XRCC4: variants seen among roughly 807,000 people sequenced by gnomAD.
XRCC4 encodes X-ray repair cross complementing 4.
Under a neutral mutation model 39.1 loss-of-function variants are expected in XRCC4, and 28 were observed. The observed-to-expected ratio is 0.72, with a 90% CI of 0.53 to 0.98. XRCC4 has a LOEUF of 0.98. Among genes scored for constraint, XRCC4 ranks in the 50% least tolerant of loss-of-function variants. The pLI, the probability that XRCC4 is intolerant of heterozygous loss-of-function variation, is 0.00. For synonymous variants in XRCC4, 123 were observed against 126.4 expected, an observed-to-expected ratio of 0.97 and a Z score of 0.18; for missense variants, 350 against 376.4, an observed-to-expected ratio of 0.93 and a Z score of 0.58.
chr5:83,298,187 T>C (rs752999517), intron 7 of XRCC4, among the ~76,000 whole-genome samples: 2 of 151,808 alleles, frequency 1.3e-5, no homozygotes, highest in Non-Finnish European at 3.0e-5. Context: ...CTTTGAAGTT[T>C]GTTGAAAACC....
chr5:83,080,880 C>G (rs933984106), intron 1 of XRCC4, among the ~76,000 whole-genome samples: 3 of 152,072 alleles, frequency 2.0e-5, no homozygotes, highest in Non-Finnish European at 2.9e-5. Flanking sequence ...AAAAGAAATC[C>G]TATGTTGATG....
At chr5:83,089,549 C>G (rs1745327959) in intron 1 of XRCC4, among the ~76,000 whole-genome samples, 1 of 152,080 alleles carries the variant, frequency 6.6e-6, no homozygotes, top group South Asian at 2.1e-4. Context: ...GTGTCAGATC[C>G]CACAGGTTTG....
At chr5:83,097,755 T>G (rs1745747989) in intron 1 of XRCC4, among the ~76,000 whole-genome samples, 1 of 152,146 alleles carries the variant, frequency 6.6e-6, no homozygotes, top group Non-Finnish European at 1.5e-5. Context: ...TTCAGTTCTG[T>G]TAAGTGTCAT....
At chr5:83,303,500 A>G (rs1755367844) in intron 7 of XRCC4, among the ~76,000 whole-genome samples, 1 of 152,152 alleles carries the variant, frequency 6.6e-6, no homozygotes, top group South Asian at 2.1e-4. Flanking sequence ...ACTAATGACA[A>G]TTGTGGTGGT....
chr5:83,248,062 G>T (rs1299145237), intron 6 of XRCC4, among the ~76,000 whole-genome samples: 1 of 152,012 alleles, frequency 6.6e-6, no homozygotes, highest in East Asian at 1.9e-4. Context: ...TGAGACAAGG[G>T]TTGGTGAGAG....
At chr5:83,360,419 T>C in the XRCC4 span, among the ~76,000 whole-genome samples, 1 of 152,194 alleles carries the variant, frequency 6.6e-6, no homozygotes, top group African/African-American at 2.4e-5. Context: ...AGAGGTATAA[T>C]ACAGTATATT....
At chr5:83,270,546 A>G (rs1754105292) in intron 7 of XRCC4, among the ~76,000 whole-genome samples, 1 of 151,980 alleles carries the variant, frequency 6.6e-6, no homozygotes, top group African/African-American at 2.4e-5. Context: ...TCTGACCTCT[A>G]AACTGTTTTC....
intron 3 of XRCC4, among the ~76,000 whole-genome samples, chr5:83,133,027 A>G (rs1381253872): frequency 2.0e-5 from 3 of 151,766 alleles, no homozygotes; most frequent in Non-Finnish European, 4.4e-5. Flanking sequence ...GGTTTTATCT[A>G]CCTTCGGTCT....
chr5:83,276,740 T>G (rs1754349165), intron 7 of XRCC4, among the ~76,000 whole-genome samples: 1 of 151,846 alleles, frequency 6.6e-6, no homozygotes, highest in Non-Finnish European at 1.5e-5. Flanking sequence ...GTGTGTTTTC[T>G]GTTGCTTATA....
At chr5:83,134,640 A>C (rs902543525) in intron 3 of XRCC4, among the ~76,000 whole-genome samples, 2 of 152,194 alleles carry the variant, frequency 1.3e-5, no homozygotes, top group Non-Finnish European at 2.9e-5. Flanking sequence ...GGGTGGGGCC[A>C]GATAAGGGAA....
chr5:83,124,970 A>G (rs1025559367), intron 3 of XRCC4, among the ~76,000 whole-genome samples: 1 of 152,138 alleles, frequency 6.6e-6, no homozygotes, highest in African/African-American at 2.4e-5. Context: ...CCAGAAATAT[A>G]TAAGATCTAC....
intron 6 of XRCC4, among the ~76,000 whole-genome samples, chr5:83,248,954 G>A (rs1362175108): frequency 6.6e-6 from 1 of 152,010 alleles, no homozygotes; most frequent in Non-Finnish European, 1.5e-5. Flanking sequence ...TTCTAATTTG[G>A]GCAATACTTT....
chr5:83,244,458 C>T (rs1019535779), intron 6 of XRCC4, among the ~76,000 whole-genome samples: 1 of 152,174 alleles, frequency 6.6e-6, no homozygotes, highest in African/African-American at 2.4e-5. Flanking sequence ...CTATATGTGA[C>T]ATCTGGATTT....
At chr5:83,188,953 G>A (rs1489582765) in intron 3 of XRCC4, among the ~76,000 whole-genome samples, 1 of 152,142 alleles carries the variant, frequency 6.6e-6, no homozygotes, top group Non-Finnish European at 1.5e-5. Context: ...CTGTATAGAA[G>A]GAATCAAATC....
intron 6 of XRCC4, among the ~76,000 whole-genome samples, chr5:83,240,126 A>T (rs954532214): frequency 6.6e-6 from 1 of 152,134 alleles, no homozygotes; most frequent in Non-Finnish European, 1.5e-5. Context: ...GTGAGCCATG[A>T]TCTTGCCACT....
chr5:83,224,092 C>A (rs1414727926), intron 6 of XRCC4, among the ~76,000 whole-genome samples: 1 of 151,858 alleles, frequency 6.6e-6, no homozygotes, highest in Non-Finnish European at 1.5e-5. Context: ...TTTAGCCATT[C>A]TTTTAACTGG....
In XRCC4 at chr5:83,353,288, T is replaced by C; in HGVS notation, c.*46T>C. ...ATGTTCACTAGACTATGTTTTCTAT[T>C]CATTTCTTTAAAATGAAAAAGGAGA... On this transcript the variant is annotated 3_prime_UTR_variant, in exon 8 of 8. Transcript: ENST00000396027. 1 of 1,403,598 alleles carries C rather than the reference T, an allele frequency of 7.1e-7. No homozygotes were observed. Among genetic ancestry groups the C allele is most frequent in the Non-Finnish European group, 9.7e-7 (1 of 1,027,588 alleles). 86.9% of individuals were successfully genotyped at this position (1,403,598 alleles called of 1,614,324 possible).
chr5:83,111,883 A>G (rs1447808692), intron 3 of XRCC4, among the ~76,000 whole-genome samples: 3 of 152,158 alleles, frequency 2.0e-5, no homozygotes, highest in Non-Finnish European at 2.9e-5. Context: ...TTTCAGTCAT[A>G]TATGAGATCT....
intron 3 of XRCC4, among the ~76,000 whole-genome samples, chr5:83,133,741 C>T (rs192646194): frequency 5.9e-5 from 9 of 152,204 alleles, no homozygotes; most frequent in Admixed American, 2.6e-4. Flanking sequence ...ATTGGAAAAG[C>T]GCAGTACTAG....
Sources: allele counts gnomAD v4.1 joint callset (sites outside exome capture counted in the v4.1 genomes callset), GRCh38; gene constraint gnomAD v4.1.1; transcripts MANE v1.5; gene names NCBI Gene and HGNC (gene_info 2026-07-23, HGNC 2026-07-21).